POTEF: variants seen among roughly 807,000 people sequenced by gnomAD.
POTEF encodes ANKRD26-like family C member 1B.
In POTEF, 20 loss-of-function variants were observed where a neutral mutation model predicts 83.2. The ratio of observed to expected loss-of-function variants is 0.24; its 90% CI spans 0.17 to 0.35. POTEF has a LOEUF of 0.35. Ranked by LOEUF, POTEF falls within the 10% of genes least tolerant of loss-of-function variation. The pLI is 1.00. For synonymous variants in POTEF, 196 were observed against 446.4 expected, an observed-to-expected ratio of 0.44 and a Z score of 7.07; for missense variants, 550 against 1,203.2, an observed-to-expected ratio of 0.46 and a Z score of 8.03.
At chr2:130,127,324 CAA>C (rs57173649) in intron 2 of POTEF, among the ~76,000 whole-genome samples, 14 of 12,438 alleles carry the variant, frequency 1.1e-3, no homozygotes, top group African/African-American at 4.0e-3. Context: ...GACTCTGTCT[CAA>C]AAAAAAAAAA....
At chr2:130,100,964 A>G (rs1044425549) in intron 9 of POTEF, among the ~76,000 whole-genome samples, 6 of 149,098 alleles carry the variant, frequency 4.0e-5, no homozygotes, top group Non-Finnish European at 8.8e-5. Context: ...GTGAAAAATA[A>G]TTCACCTTAG....
At position 130,103,739 on chromosome 2, in the gene POTEF, A is replaced by G. The variant is rs1183684857; in HGVS notation, c.1127-1559T>C. On this transcript the variant is annotated intron_variant, in intron 8 of 16. Coordinates refer to ENST00000409914, the MANE Select transcript of POTEF (RefSeq NM_001099771.2). Reference sequence around the variant, plus strand: ...AGAAAACATGCCCAAGCAGAGACTTAAATATTGAGACTAGCCAGATTAAAA... The same window carrying G: ...AGAAAACATGCCCAAGCAGAGACTTGAATATTGAGACTAGCCAGATTAAAA... Among the ~76,000 whole-genome samples, 6 of 148,604 alleles carry G rather than the reference A, an allele frequency of 4.0e-5. 2 individuals carry two copies. Among genetic ancestry groups the G allele is most frequent in the African/African-American group, 1.5e-4 (6 of 39,220 alleles).
rs556938652 is a variant in POTEF, at chr2:130,075,100, T to C, written c.2372A>G (p.Tyr791Cys). ...CTCGGGAGCCACACGCAGCTCGTTG[T>C]AGAAGGTGTGGTGCCAGATCTTCTC... ...DMEKIWHHTF[Y>C]NELRVAPEEH... Residue 791 changes from tyrosine (Y) to cysteine (C), a missense_variant, in exon 17 of 17, where the codon TAC becomes TGC. Transcript: ENST00000409914. 1.2e-5 allele frequency: 20 copies of C among 1,613,670 alleles called. No individual in the cohort carries two copies. The highest frequency in any genetic ancestry group is 1.6e-5 in the Non-Finnish European group (19 of 1,179,960).
At chr2:130,124,389 T>C (rs1169797426) in intron 2 of POTEF, among the ~76,000 whole-genome samples, 1 of 108,166 alleles carries the variant, frequency 9.2e-6, no homozygotes, top group Non-Finnish European at 1.8e-5. Context: ...TTTCCCACTT[T>C]ATGAATCATA....
intron 6 of POTEF, among the ~76,000 whole-genome samples, chr2:130,111,601 T>G (rs1375468715): frequency 6.6e-6 from 1 of 151,478 alleles, no homozygotes; most frequent in African/African-American, 2.5e-5. Context: ...CTATTTATGT[T>G]TAATACAGCA....
At chr2:130,105,540 T>C (rs1684502313) in intron 8 of POTEF, among the ~76,000 whole-genome samples, 1 of 151,660 alleles carries the variant, frequency 6.6e-6, no homozygotes, top group Non-Finnish European at 1.5e-5. Flanking sequence ...GCCTTATGGC[T>C]TTGTAAATAA....
chr2:130,113,333 C>T (rs536140592), intron 5 of POTEF, among the ~76,000 whole-genome samples: 1 of 93,948 alleles, frequency 1.1e-5, no homozygotes, highest in East Asian at 3.2e-4. Context: ...CAGAGTGAGA[C>T]CCCATCTCAA....
intron 3 of POTEF, among the ~76,000 whole-genome samples, chr2:130,117,733 T>C (rs1441081295): frequency 6.6e-6 from 1 of 151,880 alleles, no homozygotes; most frequent in Non-Finnish European, 1.5e-5. Context: ...TAATCAATAC[T>C]AAGAAAAACA....
Position 130,093,028 on chromosome 2 carries a change from ACT to A in POTEF, c.1480+408_1480+409del, listed in dbSNP as rs1232662967. 2.8e-5 allele frequency among the ~76,000 whole-genome samples: 4 copies of A among 141,986 alleles called. 1 individual carries two copies. The highest frequency in any genetic ancestry group is 4.2e-4 in the East Asian group (2 of 4,736). The allele number at this position is 141,986 out of a possible 152,430, so 93.1% of individuals were successfully genotyped here. ...CCTTATGGTTCATATTACAGCCTCT[ACT>A]CTGTCTCCAGTCAGATCAGTGATAG... On this transcript the variant is annotated intron_variant, in intron 12 of 16. Coordinates refer to ENST00000409914, the MANE Select transcript of POTEF (RefSeq NM_001099771.2).
At chr2:130,125,723 G>T (rs2407458) in intron 2 of POTEF, among the ~76,000 whole-genome samples, 3 of 151,762 alleles carry the variant, frequency 2.0e-5, no homozygotes, top group African/African-American at 4.9e-5. Context: ...CTGGCCAACA[G>T]GGTGAAACCC....
At chr2:130,109,034 C>T (rs909768310) in intron 7 of POTEF, among the ~76,000 whole-genome samples, 2 of 151,124 alleles carry the variant, frequency 1.3e-5, no homozygotes, top group African/African-American at 4.9e-5. Context: ...ATATATTTTG[C>T]ACGGAACATG....
At chr2:130,125,579 A>G (rs572133322) in intron 2 of POTEF, among the ~76,000 whole-genome samples, 4 of 151,162 alleles carry the variant, frequency 2.6e-5, no homozygotes, top group African/African-American at 9.8e-5. Context: ...TAGGAATAAA[A>G]GAGGGCTCGA....
chr2:130,087,665 G>A (rs1247106306), intron 13 of POTEF, among the ~76,000 whole-genome samples: 5 of 97,404 alleles, frequency 5.1e-5, no homozygotes, highest in East Asian at 5.4e-4. Context: ...ATGGAGTCTC[G>A]CTCTGTCACC....
At chr2:130,128,243 T>A in intron 1 of POTEF, among the ~76,000 whole-genome samples, 1 of 150,000 alleles carries the variant, frequency 6.7e-6, no homozygotes. Context: ...TCCCAGGTGG[T>A]CTCCCCAACA....
intron 2 of POTEF, 113 bp from the exon 3 acceptor site, chr2:130,120,721 C>T: frequency 2.1e-6 from 2 of 939,030 alleles, no homozygotes; most frequent in Non-Finnish European, 3.1e-6. Flanking sequence ...AAAGCCCACG[C>T]CCCCCCTGGG....
intron 2 of POTEF, among the ~76,000 whole-genome samples, chr2:130,126,602 G>A (rs1685098556): frequency 6.6e-6 from 1 of 152,080 alleles, no homozygotes; most frequent in Non-Finnish European, 1.5e-5. Context: ...TGAGCAGTAG[G>A]ATGTAATTAA....
intron 3 of POTEF, among the ~76,000 whole-genome samples, chr2:130,119,569 G>A (rs1345855354): frequency 2.0e-5 from 3 of 151,074 alleles, no homozygotes; most frequent in Non-Finnish European, 4.4e-5. Flanking sequence ...TTTACATACT[G>A]TACATTGATA....
intron 15 of POTEF, among the ~76,000 whole-genome samples, chr2:130,084,271 A>C (rs1683965365): frequency 1.4e-5 from 1 of 73,690 alleles, no homozygotes; most frequent in African/African-American, 6.9e-5. Context: ...TTACAAATAA[A>C]AGTCACTGCA....
At chr2:130,076,633 G>C (rs1683813381) in intron 16 of POTEF, among the ~76,000 whole-genome samples, 1 of 143,034 alleles carries the variant, frequency 7.0e-6, no homozygotes, top group Non-Finnish European at 1.5e-5. Context: ...GGAGCAAACT[G>C]TTCCTCTCTG....
Sources: gnomAD v4.1 joint callset for allele counts (sites outside exome capture counted in the v4.1 genomes callset) on GRCh38, gnomAD v4.1.1 for gene constraint, MANE v1.5 for transcripts, NCBI Gene and HGNC (gene_info 2026-07-23, HGNC 2026-07-21) for gene names.